Variants in GTF2IRD1 observed in about 807,000 individuals in gnomAD.
GTF2IRD1 encodes the protein general transcription factor II-I repeat domain-containing protein 1.
In GTF2IRD1, 26 loss-of-function variants were observed where a neutral mutation model predicts 113.2. That is an observed-to-expected ratio of 0.23 (90% CI 0.17 to 0.32). The LOEUF (loss-of-function observed/expected upper bound fraction) is 0.32. GTF2IRD1 is among the 10% of genes least tolerant of loss of function. GTF2IRD1 has a pLI of 1.00. For missense variants in GTF2IRD1, 864 were observed against 1,280.8 expected (o/e 0.67, Z 4.97); for synonymous variants, 484 against 529.1 (o/e 0.91, Z 1.17).
intron 7 of GTF2IRD1, among the ~76,000 whole-genome samples, chr7:74,521,604 A>T (rs1256361623): frequency 3.3e-5 from 5 of 152,096 alleles, no homozygotes; most frequent in Non-Finnish European, 7.4e-5. Flanking sequence ...TCTACAAAAA[A>T]TAAGAAAAAT....
At chr7:74,548,555 A>C (rs1324751979) in intron 17 of GTF2IRD1, among the ~76,000 whole-genome samples, 4 of 151,980 alleles carry the variant, frequency 2.6e-5, no homozygotes, top group Admixed American at 6.6e-5. Context: ...GGATTGCTTG[A>C]GCCCAAGAGT....
chr7:74,582,763 A>C (rs1801492060), intron 22 of GTF2IRD1, among the ~76,000 whole-genome samples: 1 of 152,186 alleles, frequency 6.6e-6, no homozygotes, highest in East Asian at 1.9e-4. Flanking sequence ...CACTGTATGC[A>C]GGCATTCAAG....
intron 1 of GTF2IRD1, among the ~76,000 whole-genome samples, chr7:74,469,001 C>T (rs1291681856): frequency 4.6e-5 from 7 of 151,030 alleles, no homozygotes; most frequent in East Asian, 2.0e-4. Flanking sequence ...AGGAGAATGA[C>T]GTGAACCCGG....
At chr7:74,486,156 A>G (rs374276202) in intron 1 of GTF2IRD1, among the ~76,000 whole-genome samples, 3 of 152,030 alleles carry the variant, frequency 2.0e-5, no homozygotes, top group African/African-American at 7.2e-5. Context: ...TTTTTAGTAG[A>G]GATGTGGTTT....
chr7:74,563,509 G>A lies in GTF2IRD1; in HGVS notation c.2320+3854G>A, dbSNP rs112125241. The stretch of plus-strand genomic sequence containing the variant: ...GGAGAATCGCTTGAAACTTGAAGGC[G>A]GAGGTTGCAGTCAGCCAAGATCACA... On this transcript the variant is annotated intron_variant, in intron 22 of 26. Transcript: ENST00000424337. Among the ~76,000 whole-genome samples, 46 of 151,996 alleles carry A rather than the reference G, an allele frequency of 3.0e-4. 1 individual carries two copies. Among genetic ancestry groups the A allele is most frequent in the African/African-American group, 9.2e-4 (38 of 41,446 alleles).
chr7:74,514,480 C>G (rs375152755), intron 3 of GTF2IRD1, among the ~76,000 whole-genome samples: 1 of 152,038 alleles, frequency 6.6e-6, no homozygotes, highest in East Asian at 1.9e-4. Flanking sequence ...ACCAGGAACT[C>G]GGCTGGTTTA....
At chr7:74,585,503 A>G (rs1554367496) in intron 22 of GTF2IRD1, among the ~76,000 whole-genome samples, 2 of 152,134 alleles carry the variant, frequency 1.3e-5, no homozygotes, top group African/African-American at 4.8e-5. Flanking sequence ...GTCCCGACAC[A>G]GGAGAAGACA....
chr7:74,529,859 G>A lies in GTF2IRD1; in HGVS notation c.1216G>A (p.Val406Ile). Reference protein sequence around the residue: ...IPFKRPCTYGVPKLKRILEER... With the variant: ...IPFKRPCTYGIPKLKRILEER... Reference sequence around the variant, plus strand: ...CTTCAAGCGCCCCTGCACTTATGGAGTCCCCAAGCTGAAGCGGATCCTGGA... The same window carrying A: ...CTTCAAGCGCCCCTGCACTTATGGAATCCCCAAGCTGAAGCGGATCCTGGA... The change falls in exon 9 of 27, where the codon GTC (valine) becomes ATC (isoleucine). Residue 406 changes from valine (V) to isoleucine (I), a missense_variant. This residue lies in a region of GTF2IRD1 where 218 missense variants were observed against 352.6 expected (regional missense o/e 0.62). Coordinates refer to ENST00000424337, the MANE Select transcript of GTF2IRD1 (RefSeq NM_005685.4). The A allele has an allele frequency of 5.0e-6, 8 of 1,614,106 alleles. No homozygotes were observed. The highest frequency in any genetic ancestry group is 6.8e-6 in the Non-Finnish European group (8 of 1,180,020).
intron 1 of GTF2IRD1, among the ~76,000 whole-genome samples, chr7:74,492,981 C>T (rs1403614775): frequency 1.3e-5 from 2 of 152,090 alleles, no homozygotes; most frequent in East Asian, 1.9e-4. Context: ...CTGTGTTGCT[C>T]AGGCTAGTCT....
chr7:74,587,445 GA>G (rs1316944106), intron 22 of GTF2IRD1, among the ~76,000 whole-genome samples: 2 of 151,016 alleles, frequency 1.3e-5, no homozygotes, highest in Non-Finnish European at 3.0e-5. Context: ...CTCTGTCTTG[GA>G]AAAACAAAAA....
rs782499626 is a variant in GTF2IRD1, at chr7:74,583,072, G to T, written c.2321-6779G>T. The stretch of plus-strand genomic sequence containing the variant: ...AGAACAGCTACAGAGAAAAATCAGT[G>T]TTCTTCCTGAGCTTGATGTTGACTG... On this transcript the variant is annotated intron_variant, in intron 22 of 26. Coordinates refer to ENST00000424337, the MANE Select transcript of GTF2IRD1 (RefSeq NM_005685.4). 3.3e-5 allele frequency among the ~76,000 whole-genome samples: 5 copies of T among 152,156 alleles called. No homozygotes were observed. In the East Asian group the frequency reaches 9.6e-4, roughly 29 times the overall value.
At chr7:74,530,037 C>T in intron 9 of GTF2IRD1, 120 bp downstream of exon 9, 2 of 670,340 alleles carry the variant, frequency 3.0e-6, no homozygotes, top group Admixed American at 2.7e-5. Flanking sequence ...TGGCAAAACC[C>T]CGTCTCTATT....
chr7:74,471,470 C>T (rs959589547), intron 1 of GTF2IRD1, among the ~76,000 whole-genome samples: 4 of 151,874 alleles, frequency 2.6e-5, no homozygotes, highest in Non-Finnish European at 5.9e-5. Context: ...AATTGTGCCA[C>T]TGCACTCTAG....
intron 20 of GTF2IRD1, among the ~76,000 whole-genome samples, chr7:74,558,496 A>G (rs1799753666): frequency 6.6e-6 from 1 of 151,292 alleles, no homozygotes; most frequent in Non-Finnish European, 1.5e-5. Flanking sequence ...AGTGGCTGGA[A>G]CTACACCCCA....
chr7:74,493,795 T>C (rs1554337306), intron 1 of GTF2IRD1, among the ~76,000 whole-genome samples: 2 of 151,046 alleles, frequency 1.3e-5, no homozygotes, highest in African/African-American at 4.9e-5. Context: ...CTTGGCTCAC[T>C]GCAGCCTTGA....
In GTF2IRD1 at chr7:74,555,067, G is replaced by C; in HGVS notation, c.1917-107G>C. 1 of 991,664 alleles carries C rather than the reference G, an allele frequency of 1.0e-6. No homozygotes were observed. The highest frequency in any genetic ancestry group is 1.5e-6 in the Non-Finnish European group (1 of 653,868). 61.4% of individuals were successfully genotyped at this position (991,664 alleles called of 1,614,324 possible). A position where few individuals can be genotyped will look rare whatever the true frequency, so the allele number is the denominator to read the frequency against. On this transcript the variant is annotated intron_variant, in intron 17 of 26. Transcript: ENST00000424337. The surrounding 1 kb of genome is among the most constrained non-coding windows in gnomAD (Gnocchi z 5.3). ...TCCAGGCCTGAACTATGCATAGCCA[G>C]AAGGGTCCATTGCAGGGCTGTGTAG... is the stretch of plus-strand genomic sequence containing the variant.
At chr7:74,473,146 A>G (rs7806360) in intron 1 of GTF2IRD1, among the ~76,000 whole-genome samples, 2,006 of 152,302 alleles carry the variant, frequency 0.013, 50 homozygotes, top group African/African-American at 0.046. Context: ...CCCAAGCCTC[A>G]TGATGTGTTC....
intron 22 of GTF2IRD1, 100 bp downstream of exon 22, chr7:74,559,755 T>C: frequency 4.1e-6 from 4 of 973,636 alleles, no homozygotes; most frequent in Non-Finnish European, 5.8e-6. Flanking sequence ...TTCTGGGGTC[T>C]GGGAACAGAA....
At chr7:74,545,637 C>G (rs1159460803) in intron 15 of GTF2IRD1, 107 bp from the exon 16 acceptor site, 3 of 821,234 alleles carry the variant, frequency 3.7e-6, no homozygotes, top group Non-Finnish European at 6.4e-6. Flanking sequence ...CAGCCTTCCC[C>G]CATTCCAAGA....
Sources: allele counts gnomAD v4.1 joint callset (sites outside exome capture counted in the v4.1 genomes callset), GRCh38; gene constraint gnomAD v4.1.1; regional missense constraint gnomAD v4.1.1; non-coding constraint Gnocchi (gnomAD v3.1); transcripts MANE v1.5; gene names NCBI Gene and HGNC (gene_info 2026-07-23, HGNC 2026-07-21).